Variants in MAPK10 observed in about 807,000 individuals in gnomAD.
The protein encoded by MAPK10 is JNK3 alpha protein kinase.
A neutral mutation model predicts 59.3 loss-of-function variants in MAPK10; 25 were observed. The ratio of observed to expected loss-of-function variants is 0.42; its 90% CI spans 0.31 to 0.59. The LOEUF is 0.59. Ranked by LOEUF, MAPK10 falls within the 20% of genes least tolerant of loss-of-function variation. The probability of loss-of-function intolerance (pLI) is 0.15; values close to 1 mark genes in which losing one functional copy is unlikely to be tolerated. For synonymous variants in MAPK10, 190 were observed against 200.5 expected, an observed-to-expected ratio of 0.95 and a Z score of 0.44; for missense variants, 351 against 568.9, an observed-to-expected ratio of 0.62 and a Z score of 3.90.
chr4:86,142,269 C>T (rs938339067), intron 4 of MAPK10, among the ~76,000 whole-genome samples: 19 of 152,086 alleles, frequency 1.2e-4, no homozygotes, highest in African/African-American at 4.1e-4. Context: ...GTTTATGCAT[C>T]GGTAGGGTTT....
chr4:86,022,703 C>G (rs577215946), intron 13 of MAPK10, among the ~76,000 whole-genome samples: 179 of 152,170 alleles, frequency 1.2e-3, no homozygotes, highest in Non-Finnish European at 2.2e-3. Flanking sequence ...GAGACAGGAG[C>G]TTGCCATGTT....
intron 1 of MAPK10, among the ~76,000 whole-genome samples, chr4:86,465,962 T>C (rs779801351): frequency 1.2e-4 from 19 of 152,194 alleles, no homozygotes; most frequent in Non-Finnish European, 2.4e-4. Flanking sequence ...GTAGCTATGA[T>C]AGCGGTGATC....
chr4:86,416,456 G>C (rs542829488), intron 1 of MAPK10, among the ~76,000 whole-genome samples: 5 of 152,348 alleles, frequency 3.3e-5, no homozygotes, highest in South Asian at 4.1e-4. Context: ...AATCCTCAAT[G>C]ATTGTGTTCC....
chr4:86,144,032 A>G (rs994521315), intron 4 of MAPK10, among the ~76,000 whole-genome samples: 15 of 152,202 alleles, frequency 9.9e-5, no homozygotes, highest in African/African-American at 3.4e-4. Context: ...TTGAATGCAT[A>G]CAAGAGGAGT....
At chr4:86,069,805 A>G (rs2047444879) in intron 9 of MAPK10, among the ~76,000 whole-genome samples, 2 of 152,142 alleles carry the variant, frequency 1.3e-5, no homozygotes, top group Non-Finnish European at 2.9e-5. Context: ...AAGTCATTTA[A>G]CAAAGTTGGC....
chr4:86,401,448 T>C (rs979380680), intron 1 of MAPK10, among the ~76,000 whole-genome samples: 1 of 152,170 alleles, frequency 6.6e-6, no homozygotes, highest in South Asian at 2.1e-4. Context: ...AAAATTACAA[T>C]TGGTAGAAAG....
At chr4:86,421,835 C>T (rs1020234934) in intron 1 of MAPK10, among the ~76,000 whole-genome samples, 6 of 152,098 alleles carry the variant, frequency 3.9e-5, no homozygotes, top group Non-Finnish European at 7.4e-5. Flanking sequence ...TCCCATTGCT[C>T]TTAAAATAAA....
chr4:86,162,051 C>T (rs1264582453), intron 3 of MAPK10, among the ~76,000 whole-genome samples: 1 of 151,840 alleles, frequency 6.6e-6, no homozygotes, highest in Non-Finnish European at 1.5e-5. Flanking sequence ...TTTAACCCAA[C>T]AAATGCTGAT....
At chr4:86,304,541 C>T (rs1356003963) in intron 2 of MAPK10, among the ~76,000 whole-genome samples, 2 of 151,120 alleles carry the variant, frequency 1.3e-5, no homozygotes, top group East Asian at 1.9e-4. Flanking sequence ...TACAGGCGCC[C>T]GCCACCGCGC....
chr4:86,176,459 A>G (rs1043131882), intron 3 of MAPK10, among the ~76,000 whole-genome samples: 2 of 152,166 alleles, frequency 1.3e-5, no homozygotes, highest in Non-Finnish European at 2.9e-5. Flanking sequence ...GGTTAAACCA[A>G]TTCAAAAAGA....
At chr4:86,533,662 CT>C (rs1758009650) in intron 1 of MAPK10, among the ~76,000 whole-genome samples, 1 of 152,222 alleles carries the variant, frequency 6.6e-6, no homozygotes. Flanking sequence ...CAACCTTAGT[CT>C]TCCAAGTATC....
intron 1 of MAPK10, among the ~76,000 whole-genome samples, chr4:86,521,496 G>A (rs924807145): frequency 6.6e-6 from 1 of 152,086 alleles, no homozygotes; most frequent in African/African-American, 2.4e-5. Flanking sequence ...GGGGATGGGG[G>A]TGGTTCTCAG....
chr4:86,107,895 G>C (rs1463978499), intron 4 of MAPK10, among the ~76,000 whole-genome samples: 1 of 151,996 alleles, frequency 6.6e-6, no homozygotes, highest in Non-Finnish European at 1.5e-5. Context: ...ACAGAGTCTT[G>C]CTATGTTCCC....
chr4:86,308,295 A>G (rs556327184), intron 2 of MAPK10, among the ~76,000 whole-genome samples: 62 of 152,252 alleles, frequency 4.1e-4, no homozygotes, highest in African/African-American at 1.3e-3. Context: ...GATAAGAAAG[A>G]GTTTCTTATC....
chr4:86,153,693 C>T (rs1003852928), intron 4 of MAPK10, among the ~76,000 whole-genome samples: 9 of 152,104 alleles, frequency 5.9e-5, no homozygotes, highest in African/African-American at 2.2e-4. Context: ...AAAAAAATGA[C>T]ATTTACCAGT....
rs150321735 is a variant in MAPK10, at chr4:86,421,726, C to T, written c.-122+31304G>A. On this transcript the variant is annotated intron_variant, in intron 1 of 13. Transcript: ENST00000361569. ...GCTGTGGGCAGATCTCAGCCTACCA[C>T]TAACTAGCTGCAAATATGTTCTATA... 1.3e-3 allele frequency among the ~76,000 whole-genome samples: 194 copies of T among 152,302 alleles called. 2 individuals are homozygous for T. Among genetic ancestry groups the T allele is most frequent in the African/African-American group, 4.5e-3 (186 of 41,566 alleles).
intron 1 of MAPK10, among the ~76,000 whole-genome samples, chr4:86,553,946 T>C (rs1760061819): frequency 6.6e-6 from 1 of 151,962 alleles, no homozygotes; most frequent in Non-Finnish European, 1.5e-5. Context: ...CTTATTATGT[T>C]GCCCAGGCTG....
At chr4:86,289,163 A>C (rs2095135889) in intron 2 of MAPK10, among the ~76,000 whole-genome samples, 1 of 152,166 alleles carries the variant, frequency 6.6e-6, no homozygotes. Flanking sequence ...TAGGATATCC[A>C]AGGCAGAAAG....
At chr4:86,217,044 G>A (rs553471652) in intron 2 of MAPK10, among the ~76,000 whole-genome samples, 4 of 152,080 alleles carry the variant, frequency 2.6e-5, no homozygotes, top group African/African-American at 9.7e-5. Flanking sequence ...AATGGTAAAT[G>A]GTTAGGAAAC....
Sources: gnomAD v4.1 joint callset for allele counts (sites outside exome capture counted in the v4.1 genomes callset) on GRCh38, gnomAD v4.1.1 for gene constraint, MANE v1.5 for transcripts, NCBI Gene and HGNC (gene_info 2026-07-23, HGNC 2026-07-21) for gene names.